LRP5: variants seen among roughly 807,000 people sequenced by gnomAD.
LRP5 encodes LDL receptor related protein 5, also known as low-density lipoprotein receptor-related protein 5.
A neutral mutation model predicts 154.1 loss-of-function variants in LRP5; 62 were observed. That is an observed-to-expected ratio of 0.40 (90% CI 0.33 to 0.50). The LOEUF is 0.50. Ranked by LOEUF, LRP5 falls within the 20% of genes least tolerant of loss-of-function variation. LRP5 has a pLI of 0.55. For missense variants in LRP5, 1,915 were observed against 2,336.7 expected (o/e 0.82, Z 3.72); for synonymous variants, 966 against 1,011.5 (o/e 0.96, Z 0.85).
At chr11:68,411,140 C>G (rs995789417) in intron 10 of LRP5, among the ~76,000 whole-genome samples, 3 of 152,136 alleles carry the variant, frequency 2.0e-5, no homozygotes, top group Admixed American at 1.3e-4. Flanking sequence ...GGTGGATGTT[C>G]CAGCACACAC....
chr11:68,412,107 G>C (rs1305544756), intron 11 of LRP5, among the ~76,000 whole-genome samples: 1 of 152,112 alleles, frequency 6.6e-6, no homozygotes, highest in Non-Finnish European at 1.5e-5. Context: ...CCCCAGGGCT[G>C]GTGCTCTCAT....
chr11:68,415,201 A>C (rs538917437), intron 12 of LRP5, among the ~76,000 whole-genome samples: 6 of 152,246 alleles, frequency 3.9e-5, no homozygotes, highest in African/African-American at 1.4e-4. Context: ...GGATCCTGGT[A>C]CCAGTGCACT....
At chr11:68,382,638 A>C (rs2098640873) in intron 5 of LRP5, among the ~76,000 whole-genome samples, 1 of 152,128 alleles carries the variant, frequency 6.6e-6, no homozygotes, top group Non-Finnish European at 1.5e-5. Context: ...CTTCCCACAG[A>C]GATACTGGTG....
At chr11:68,351,661 C>G (rs903292580) in intron 2 of LRP5, among the ~76,000 whole-genome samples, 1 of 152,210 alleles carries the variant, frequency 6.6e-6, no homozygotes, top group African/African-American at 2.4e-5. Flanking sequence ...TTTGTGAGCC[C>G]TTGCGCCTGG....
chr11:68,366,563 G>A (rs574499576), intron 5 of LRP5, among the ~76,000 whole-genome samples: 72 of 152,286 alleles, frequency 4.7e-4, no homozygotes, highest in Non-Finnish European at 7.1e-4. Flanking sequence ...CGTGGCGCCC[G>A]TGGCGTGTGG....
chr11:68,331,698 C>T (rs1157347848), intron 1 of LRP5, among the ~76,000 whole-genome samples: 2 of 152,140 alleles, frequency 1.3e-5, no homozygotes, highest in East Asian at 1.9e-4. Context: ...GGTCCCTGCT[C>T]GGGAAACTTG....
intron 1 of LRP5, among the ~76,000 whole-genome samples, chr11:68,315,183 C>A (rs574920684): frequency 1.7e-4 from 26 of 152,320 alleles, no homozygotes; most frequent in African/African-American, 6.0e-4. Flanking sequence ...TGTTATCTCA[C>A]CCCGTTCCTC....
intron 1 of LRP5, among the ~76,000 whole-genome samples, chr11:68,323,266 G>A (rs1215562779): frequency 6.6e-6 from 1 of 152,034 alleles, no homozygotes; most frequent in East Asian, 1.9e-4. Flanking sequence ...CCGCCACCAT[G>A]CCTGGGTAAT....
At chr11:68,439,386 TTC>T (rs2098676850) in intron 20 of LRP5, among the ~76,000 whole-genome samples, 1 of 152,174 alleles carries the variant, frequency 6.6e-6, no homozygotes, top group South Asian at 2.1e-4. Context: ...TGTAACCTGA[TTC>T]TCTCTGGGGA....
chr11:68,388,697 C>T (rs2098644388), intron 6 of LRP5, among the ~76,000 whole-genome samples: 1 of 152,158 alleles, frequency 6.6e-6, no homozygotes, highest in South Asian at 2.1e-4. Context: ...TCCTCCAGCC[C>T]ACTAGTCAGA....
the LRP5 span, among the ~76,000 whole-genome samples, chr11:68,302,933 A>C: frequency 6.6e-6 from 1 of 152,304 alleles, no homozygotes; most frequent in Admixed American, 6.5e-5. Flanking sequence ...CTGGGAATCC[A>C]TAAACCCACA....
chr11:68,429,472 G>C, intron 16 of LRP5, 103 bp from the exon 17 acceptor site: 1 of 1,455,904 alleles, frequency 6.9e-7, no homozygotes, highest in Non-Finnish European at 9.6e-7. Flanking sequence ...GCCTGCAGGA[G>C]GGCCAGTTCT....
rs901825 is a variant in LRP5 at position 68,438,729 on chromosome 11, G to C, written c.4348+47G>C. ...ATGATCTGGAGGAGGCAGGAGAGTA[G>C]TCTGGGCAGCTTTGGGGAGTGGAGC... On this transcript the variant is annotated intron_variant, in intron 20 of 22. Transcript: ENST00000294304. 134,716 of 1,568,886 alleles carry C rather than the reference G, an allele frequency of 0.086. 6,265 individuals carry two copies. The highest frequency in any genetic ancestry group is 0.15 in the African/African-American group (11,152 of 74,296).
intron 1 of LRP5, among the ~76,000 whole-genome samples, chr11:68,318,705 C>T (rs2098594933): frequency 6.6e-6 from 1 of 152,112 alleles, no homozygotes; most frequent in Non-Finnish European, 1.5e-5. Context: ...TGGTTTTTAG[C>T]CTTTTGAGGG....
At position 68,425,144 on chromosome 11, in the gene LRP5, C is replaced by G. The variant is rs140852936; in HGVS notation, c.3279C>G (p.Ile1093Met). 204 of 1,613,630 alleles carry G rather than the reference C, an allele frequency of 1.3e-4. No homozygotes were observed. Among genetic ancestry groups the G allele is most frequent in the Non-Finnish European group, 1.6e-4 (187 of 1,179,916 alleles). ...ACATGCAGGACCGGGCAGCCAAGAT[C>G]GAACGCGCAGCCCTGGACGGCACCG... is the stretch of plus-strand genomic sequence containing the variant. Reference protein sequence around the residue: ...FTNMQDRAAKIERAALDGTER... With the variant: ...FTNMQDRAAKMERAALDGTER... Residue 1093 changes from isoleucine (I) to methionine (M), a missense_variant, in exon 15 of 23, where the codon ATC (isoleucine) becomes ATG (methionine). By Grantham distance (10) the Ile-to-Met change is conservative. Around this residue, in one of 3 missense-constraint regions of LRP5, gnomAD observed 1,094 missense variants for 1,210.1 expected, o/e 0.90. Coordinates refer to ENST00000294304, the MANE Select transcript of LRP5 (RefSeq NM_002335.4).
rs200317972 is a variant in LRP5, at chr11:68,361,315, AT to A, written c.687-2431del. On this transcript the variant is annotated intron_variant, in intron 3 of 22. Coordinates refer to ENST00000294304, the MANE Select transcript of LRP5 (RefSeq NM_002335.4). The stretch of plus-strand genomic sequence containing the variant: ...GCGAGACTCTGTCTCAAAAAAAAAA[AT>A]AATAAAATAAAATAATAAAATTAAA... Among the ~76,000 whole-genome samples, 96 of 145,246 alleles carry A rather than the reference AT, an allele frequency of 6.6e-4. 1 individual carries two copies. The East Asian group carries it at 7.1e-3, about 11-fold the overall frequency.
intron 3 of LRP5, among the ~76,000 whole-genome samples, chr11:68,358,722 G>A (rs2098625290): frequency 6.6e-6 from 1 of 152,224 alleles, no homozygotes; most frequent in African/African-American, 2.4e-5. Context: ...ATTGCTTTTA[G>A]AGCCTTCTGG....
At chr11:68,375,291 C>T (rs975243858) in intron 5 of LRP5, among the ~76,000 whole-genome samples, 1 of 152,254 alleles carries the variant, frequency 6.6e-6, no homozygotes, top group Non-Finnish European at 1.5e-5. Flanking sequence ...GTCTGCTGAG[C>T]TGACACCTCG....
rs919138854 is a variant in LRP5, at chr11:68,315,023, T to G, written c.91+2218T>G. 1.4e-3 allele frequency among the ~76,000 whole-genome samples: 208 copies of G among 152,000 alleles called. 2 individuals are homozygous for G. The highest frequency in any genetic ancestry group is 4.9e-3 in the African/African-American group (204 of 41,450). On this transcript the variant is annotated intron_variant, in intron 1 of 22. Coordinates refer to ENST00000294304, the MANE Select transcript of LRP5 (RefSeq NM_002335.4). ...ATTTAGTAGAACTCACACACACGGGTGGGGGATGTAGGCAGGTGAGGCCTC... is the reference window on the plus strand; with the variant it reads ...ATTTAGTAGAACTCACACACACGGGGGGGGGATGTAGGCAGGTGAGGCCTC...
Sources: allele counts gnomAD v4.1 joint callset (sites outside exome capture counted in the v4.1 genomes callset), GRCh38; gene constraint gnomAD v4.1.1; regional missense constraint gnomAD v4.1.1; transcripts MANE v1.5; gene names NCBI Gene and HGNC (gene_info 2026-07-23, HGNC 2026-07-21).